TMEFF2: variants seen among roughly 807,000 people sequenced by gnomAD.
The protein encoded by TMEFF2 is tomoregulin-2.
TMEFF2 carries 28 observed loss-of-function variants against 53.8 expected under a neutral mutation model. The observed-to-expected ratio is 0.52, with a 90% CI of 0.39 to 0.71. The LOEUF (loss-of-function observed/expected upper bound fraction) is 0.71, where lower values mean the gene tolerates loss of function less well. Ranked by LOEUF, TMEFF2 falls within the 30% of genes least tolerant of loss-of-function variation. The pLI, the probability that TMEFF2 is intolerant of heterozygous loss-of-function variation, is 0.00. For missense variants in TMEFF2, 353 were observed against 455.2 expected (o/e 0.78, Z 2.04); for synonymous variants, 162 against 166.3 (o/e 0.97, Z 0.20).
Position 191,949,352 on chromosome 2 carries a change from C to A in TMEFF2, c.*959G>T. ...CGTCATCATCATCTTAGTTCCATTA[C>A]AAATTATGGTGCTGCATTAGCCACA... On this transcript the variant is annotated 3_prime_UTR_variant, in exon 10 of 10. Coordinates refer to ENST00000272771, the MANE Select transcript of TMEFF2 (RefSeq NM_016192.4). 8 of 985,336 alleles carry A rather than the reference C, an allele frequency of 8.1e-6. No homozygotes were observed. Among genetic ancestry groups the A allele is most frequent in the Non-Finnish European group, 9.6e-6 (8 of 829,894 alleles). 61.0% of individuals were successfully genotyped at this position (985,336 alleles called of 1,614,324 possible). A position where few individuals can be genotyped will look rare whatever the true frequency, so the allele number is the denominator to read the frequency against.
At position 191,974,911 on chromosome 2, in the gene TMEFF2, G is replaced by A. The variant is rs568074787; in HGVS notation, c.746-18533C>T. 2.6e-5 allele frequency among the ~76,000 whole-genome samples: 4 copies of A among 152,194 alleles called. No individual in the cohort carries two copies. In the South Asian group the frequency reaches 6.2e-4, roughly 24 times the overall value. ...ATGGTAGAGACTTTCAAAGAGGAATGTAGTAGCTCATATATCAAGAGCCTC... is the reference window on the plus strand; with the variant it reads ...ATGGTAGAGACTTTCAAAGAGGAATATAGTAGCTCATATATCAAGAGCCTC... On this transcript the variant is annotated intron_variant, in intron 7 of 9. Coordinates refer to ENST00000272771, the MANE Select transcript of TMEFF2 (RefSeq NM_016192.4).
chr2:192,179,548 C>A (rs769663423), intron 4 of TMEFF2, 120 bp downstream of exon 4: 2 of 1,143,016 alleles, frequency 1.7e-6, no homozygotes, highest in Non-Finnish European at 2.4e-6. Context: ...ATGGTTTCAC[C>A]TTTCCTAAAA....
At chr2:192,000,642 T>A (rs1686333840) in intron 5 of TMEFF2, among the ~76,000 whole-genome samples, 1 of 152,150 alleles carries the variant, frequency 6.6e-6, no homozygotes, top group South Asian at 2.1e-4. Flanking sequence ...AGTCTGTTGA[T>A]TGAGAGAGGC....
rs117694333 is a variant in TMEFF2 at position 192,151,949 on chromosome 2, A to G, written c.439+27719T>C. 5.7e-4 allele frequency among the ~76,000 whole-genome samples: 86 copies of G among 151,904 alleles called. 1 individual carries two copies. The East Asian group carries it at 0.013, about 24-fold the overall frequency. Reference sequence around the variant, plus strand: ...AGATGTTCCATGTTGGCTAAGGGTAATTGTTCAGGAACCTTGTGAGTCATG... The same window carrying G: ...AGATGTTCCATGTTGGCTAAGGGTAGTTGTTCAGGAACCTTGTGAGTCATG... On this transcript the variant is annotated intron_variant, in intron 4 of 9. Transcript: ENST00000272771.
At chr2:192,112,315 A>G (rs1689300130) in intron 4 of TMEFF2, among the ~76,000 whole-genome samples, 1 of 152,196 alleles carries the variant, frequency 6.6e-6, no homozygotes, top group Non-Finnish European at 1.5e-5. Flanking sequence ...TTGTGTCACC[A>G]TGACCTGGAT....
chr2:191,994,066 G>T (rs1363246636), intron 7 of TMEFF2, among the ~76,000 whole-genome samples: 1 of 151,958 alleles, frequency 6.6e-6, no homozygotes, highest in Non-Finnish European at 1.5e-5. Context: ...ATATTGCGGT[G>T]ACTGCAAATA....
At chr2:192,189,074 A>C (rs762515071) in intron 2 of TMEFF2, among the ~76,000 whole-genome samples, 11 of 152,302 alleles carry the variant, frequency 7.2e-5, no homozygotes, top group Non-Finnish European at 1.5e-4. Context: ...GGGTTGTGAG[A>C]AATAAATGAG....
At chr2:192,107,906 ATCTC>A (rs370939864) in intron 4 of TMEFF2, among the ~76,000 whole-genome samples, 30 of 151,660 alleles carry the variant, frequency 2.0e-4, no homozygotes, top group African/African-American at 6.8e-4. Flanking sequence ...TTACAAAACT[ATCTC>A]TCTAATTCTA....
intron 5 of TMEFF2, among the ~76,000 whole-genome samples, chr2:192,029,813 A>G (rs1687082939): frequency 6.6e-6 from 1 of 152,264 alleles, no homozygotes; most frequent in Non-Finnish European, 1.5e-5. Context: ...ACATTTTTAA[A>G]AAAATGAATA....
chr2:192,056,768 A>T (rs938325819), intron 5 of TMEFF2, among the ~76,000 whole-genome samples: 1 of 152,066 alleles, frequency 6.6e-6, no homozygotes, highest in Non-Finnish European at 1.5e-5. Flanking sequence ...CGATTAGGTT[A>T]TGGGGGTGAA....
At chr2:192,047,562 T>A (rs1051990457) in intron 5 of TMEFF2, among the ~76,000 whole-genome samples, 1 of 152,224 alleles carries the variant, frequency 6.6e-6, no homozygotes, top group Non-Finnish European at 1.5e-5. Context: ...AAATGCATTG[T>A]CCTGATTTCT....
chr2:192,090,810 C>G (rs1308060200), intron 4 of TMEFF2, among the ~76,000 whole-genome samples: 1 of 152,118 alleles, frequency 6.6e-6, no homozygotes, highest in Non-Finnish European at 1.5e-5. Flanking sequence ...AGACATTGAA[C>G]AGAGCAGGTA....
intron 4 of TMEFF2, among the ~76,000 whole-genome samples, chr2:192,114,064 T>TTG (rs34553641): frequency 0.14 from 19,620 of 142,934 alleles, 1,432 homozygotes; most frequent in Middle Eastern, 0.2. Context: ...AATCTGGAAA[T>TTG]TGTGTGTGTG....
intron 4 of TMEFF2, among the ~76,000 whole-genome samples, chr2:192,067,486 AG>A (rs1458085142): frequency 6.6e-6 from 1 of 151,872 alleles, no homozygotes; most frequent in Non-Finnish European, 1.5e-5. Context: ...ACAAGGAAAA[AG>A]ATGTGAAATA....
chr2:192,138,207 T>G (rs1455328868), intron 4 of TMEFF2, among the ~76,000 whole-genome samples: 2 of 152,178 alleles, frequency 1.3e-5, no homozygotes, highest in African/African-American at 2.4e-5. Context: ...GATGCAACTG[T>G]GTAATATAGA....
intron 7 of TMEFF2, among the ~76,000 whole-genome samples, chr2:191,976,137 G>C (rs535225911): frequency 2.6e-5 from 4 of 152,274 alleles, no homozygotes; most frequent in Non-Finnish European, 4.4e-5. Context: ...TACAAATAAA[G>C]AGTAATTGTG....
At chr2:192,150,724 A>T (rs1690364729) in intron 4 of TMEFF2, among the ~76,000 whole-genome samples, 2 of 149,624 alleles carry the variant, frequency 1.3e-5, no homozygotes, top group Non-Finnish European at 3.0e-5. Context: ...TTCAGTTCTA[A>T]CTTCTCAGGG....
intron 4 of TMEFF2, among the ~76,000 whole-genome samples, chr2:192,145,669 C>A (rs1304636905): frequency 3.9e-5 from 6 of 151,952 alleles, no homozygotes; most frequent in African/African-American, 1.4e-4. Flanking sequence ...GCTAAGGTCA[C>A]AGATTCTAGG....
chr2:192,152,607 A>AC (rs1690414824), intron 4 of TMEFF2, among the ~76,000 whole-genome samples: 1 of 151,966 alleles, frequency 6.6e-6, no homozygotes, highest in African/African-American at 2.4e-5. Flanking sequence ...CTAGTATGGT[A>AC]CCCGCACACA....
Sources: allele counts gnomAD v4.1 joint callset (sites outside exome capture counted in the v4.1 genomes callset), GRCh38; gene constraint gnomAD v4.1.1; transcripts MANE v1.5; gene names NCBI Gene and HGNC (gene_info 2026-07-23, HGNC 2026-07-21).